Variants in EFCAB11 observed in about 807,000 individuals in gnomAD.
The protein encoded by EFCAB11 is EF-hand calcium binding domain 11, also known as EF-hand calcium-binding domain-containing protein 11.
Under a neutral mutation model 23.0 loss-of-function variants are expected in EFCAB11, and 14 were observed. The ratio of observed to expected loss-of-function variants is 0.61; its 90% CI spans 0.40 to 0.95. EFCAB11 has a LOEUF of 0.95. Ranked by LOEUF, EFCAB11 falls within the 40% of genes least tolerant of loss-of-function variation. The pLI, the probability that EFCAB11 is intolerant of heterozygous loss-of-function variation, is 0.00. For missense variants in EFCAB11, 198 were observed against 195.8 expected (o/e 1.01, Z -0.07); for synonymous variants, 65 against 66.6 (o/e 0.98, Z 0.11).
At chr14:89,864,631 G>GT (rs1202517143) in intron 5 of EFCAB11, among the ~76,000 whole-genome samples, 1 of 152,010 alleles carries the variant, frequency 6.6e-6, no homozygotes, top group Non-Finnish European at 1.5e-5. Flanking sequence ...TAGAGACAGG[G>GT]TTTTTTCATG....
chr14:89,844,468 T>C (rs1180783190), intron 5 of EFCAB11, among the ~76,000 whole-genome samples: 2 of 152,210 alleles, frequency 1.3e-5, no homozygotes, highest in Non-Finnish European at 2.9e-5. Context: ...AAAACAGTTT[T>C]GACCTCACAG....
In EFCAB11 at chr14:89,835,598, G is replaced by GTGTA. The variant is rs1484372347; in HGVS notation, c.411-38275_411-38274insTACA. On this transcript the variant is annotated intron_variant, in intron 5 of 5. Coordinates refer to ENST00000316738, the MANE Select transcript of EFCAB11 (RefSeq NM_145231.4). ...AGGGATGCTCAACGTGTGTGTGTGTGTGTGTGTGTGTGTGTGTGTGTGTGT... is the reference window on the plus strand; with the variant it reads ...AGGGATGCTCAACGTGTGTGTGTGTGTGTATGTGTGTGTGTGTGTGTGTGTGTGT... 1.2e-3 allele frequency among the ~76,000 whole-genome samples: 159 copies of GTGTA among 130,018 alleles called. 2 individuals carry two copies. In the East Asian group the frequency reaches 0.016, roughly 13 times the overall value. 85.3% of individuals were successfully genotyped at this position (130,018 alleles called of 152,430 possible). A position where few individuals can be genotyped will look rare whatever the true frequency, so the allele number is the denominator to read the frequency against.
chr14:89,857,799 G>A lies in EFCAB11; in HGVS notation c.411-60475C>T, dbSNP rs147099749. ...AGACAGGAAAAGTTTGTAGTCTGGT[G>A]TGCAGAGAAAATGATATCTTTTTAT... On this transcript the variant is annotated intron_variant, in intron 5 of 5. Coordinates refer to ENST00000316738, the MANE Select transcript of EFCAB11 (RefSeq NM_145231.4). Among the ~76,000 whole-genome samples the A allele has an allele frequency of 5.3e-4, 80 of 152,274 alleles. 1 individual carries two copies. The East Asian group carries it at 0.015, about 28-fold the overall frequency.
Position 89,844,876 on chromosome 14 carries a change from T to C in EFCAB11, c.411-47552A>G, listed in dbSNP as rs568156936. ...GAGTAAGGTAAACCCTCCTTGGTGTTGTTTCTGGAACACTATGAGGTAGAC... is the reference window on the plus strand; with the variant it reads ...GAGTAAGGTAAACCCTCCTTGGTGTCGTTTCTGGAACACTATGAGGTAGAC... On this transcript the variant is annotated intron_variant, in intron 5 of 5. Coordinates refer to ENST00000316738, the MANE Select transcript of EFCAB11 (RefSeq NM_145231.4). Among the ~76,000 whole-genome samples, 5 of 152,286 alleles carry C rather than the reference T, an allele frequency of 3.3e-5. No individual in the cohort carries two copies. The South Asian group carries it at 1.0e-3, about 32-fold the overall frequency.
intron 5 of EFCAB11, among the ~76,000 whole-genome samples, chr14:89,864,433 C>CT (rs557612337): frequency 2.0e-5 from 3 of 150,638 alleles, no homozygotes; most frequent in African/African-American, 2.4e-5. Flanking sequence ...TGTTTCCTTC[C>CT]TTTTTTTTTC....
chr14:89,855,975 A>G (rs1366384485), intron 5 of EFCAB11, among the ~76,000 whole-genome samples: 1 of 152,202 alleles, frequency 6.6e-6, no homozygotes, highest in African/African-American at 2.4e-5. Flanking sequence ...TTTAAGGCTG[A>G]ATAATACTCC....
intron 5 of EFCAB11, among the ~76,000 whole-genome samples, chr14:89,832,924 G>A (rs1886933292): frequency 6.6e-6 from 1 of 152,028 alleles, no homozygotes; most frequent in Admixed American, 6.6e-5. Context: ...CTGTCTTGGT[G>A]GCATAGGTAA....
chr14:89,806,598 C>A (rs1036427492), intron 5 of EFCAB11, among the ~76,000 whole-genome samples: 1 of 152,160 alleles, frequency 6.6e-6, no homozygotes, highest in Non-Finnish European at 1.5e-5. Context: ...TTCCATTCTT[C>A]CCCCCATGCC....
chr14:89,906,015 A>T (rs1889484943), intron 5 of EFCAB11, among the ~76,000 whole-genome samples: 1 of 152,092 alleles, frequency 6.6e-6, no homozygotes. Flanking sequence ...AATGTGAAAC[A>T]TTTTCAGCTA....
chr14:89,803,310 T>C (rs551978074), intron 5 of EFCAB11, among the ~76,000 whole-genome samples: 2 of 152,358 alleles, frequency 1.3e-5, no homozygotes, highest in East Asian at 3.9e-4. Flanking sequence ...ATGCAGATGA[T>C]TGTCCCAACA....
chr14:89,839,647 A>G (rs889377480), intron 5 of EFCAB11, among the ~76,000 whole-genome samples: 4 of 152,196 alleles, frequency 2.6e-5, no homozygotes, highest in African/African-American at 7.2e-5. Flanking sequence ...TGGGTGATTT[A>G]TAAAGAAAAT....
intron 5 of EFCAB11, among the ~76,000 whole-genome samples, chr14:89,887,562 G>A (rs77724457): frequency 1.3e-5 from 2 of 152,102 alleles, no homozygotes; most frequent in Non-Finnish European, 2.9e-5. Flanking sequence ...TGGTATTTAA[G>A]TAAAAACAGT....
At chr14:89,889,962 A>C (rs1888909691) in intron 5 of EFCAB11, among the ~76,000 whole-genome samples, 2 of 152,238 alleles carry the variant, frequency 1.3e-5, no homozygotes, top group Non-Finnish European at 2.9e-5. Flanking sequence ...AGCCATGAAT[A>C]CGACTGTAGG....
chr14:89,818,513 A>C (rs1284274891), intron 5 of EFCAB11, among the ~76,000 whole-genome samples: 1 of 152,094 alleles, frequency 6.6e-6, no homozygotes, highest in Non-Finnish European at 1.5e-5. Context: ...TAGGTTTTTG[A>C]CCCATTAATC....
At chr14:89,865,986 T>C (rs1888079403) in intron 5 of EFCAB11, among the ~76,000 whole-genome samples, 1 of 151,780 alleles carries the variant, frequency 6.6e-6, no homozygotes, top group South Asian at 2.1e-4. Context: ...GGTTTTGCCA[T>C]GTTGCCCAGG....
At chr14:89,888,409 G>A (rs1888859426) in intron 5 of EFCAB11, among the ~76,000 whole-genome samples, 1 of 152,208 alleles carries the variant, frequency 6.6e-6, no homozygotes, top group Admixed American at 6.5e-5. Context: ...GAAGCATGGC[G>A]TTGGCATCTG....
At chr14:89,888,875 C>G (rs1888874234) in intron 5 of EFCAB11, among the ~76,000 whole-genome samples, 3 of 152,182 alleles carry the variant, frequency 2.0e-5, no homozygotes, top group Admixed American at 2.0e-4. Flanking sequence ...ACTAAGACAG[C>G]TGTCCTGTCT....
chr14:89,809,100 T>C (rs1023522832), intron 5 of EFCAB11, among the ~76,000 whole-genome samples: 15 of 152,260 alleles, frequency 9.9e-5, no homozygotes, highest in African/African-American at 3.6e-4. Context: ...GCATATGACA[T>C]CCTCATTCCC....
chr14:89,931,939 CTT>C (rs1001772672), intron 4 of EFCAB11, among the ~76,000 whole-genome samples: 2 of 152,184 alleles, frequency 1.3e-5, no homozygotes, highest in African/African-American at 2.4e-5. Flanking sequence ...CGGTGTTAGA[CTT>C]TGAGTCTTTG....
Sources: allele counts gnomAD v4.1 joint callset (sites outside exome capture counted in the v4.1 genomes callset), GRCh38; gene constraint gnomAD v4.1.1; transcripts MANE v1.5; gene names NCBI Gene and HGNC (gene_info 2026-07-23, HGNC 2026-07-21).